PLCXD3: variants seen among roughly 807,000 people sequenced by gnomAD.
The protein encoded by PLCXD3 is PI-PLC X domain-containing protein 3.
PLCXD3 carries 19 observed loss-of-function variants against 25.5 expected under a neutral mutation model. The observed-to-expected ratio is 0.75, with a 90% CI of 0.52 to 1.09. PLCXD3 has a LOEUF of 1.09. Among genes scored for constraint, PLCXD3 ranks in the 50% least tolerant of loss-of-function variants. The probability of loss-of-function intolerance (pLI) is 0.00; values close to 1 mark genes in which losing one functional copy is unlikely to be tolerated. For synonymous variants in PLCXD3, 174 were observed against 137.6 expected, an observed-to-expected ratio of 1.26 and a Z score of -1.85; for missense variants, 411 against 388.1, an observed-to-expected ratio of 1.06 and a Z score of -0.50.
intron 1 of PLCXD3, among the ~76,000 whole-genome samples, chr5:41,400,901 C>A (rs1311673631): frequency 6.6e-6 from 1 of 151,998 alleles, no homozygotes; most frequent in Non-Finnish European, 1.5e-5. Flanking sequence ...ATACCTCATT[C>A]TCTATGTTGT....
chr5:41,426,055 A>AT (rs1260802076), intron 1 of PLCXD3, among the ~76,000 whole-genome samples: 11 of 152,132 alleles, frequency 7.2e-5, no homozygotes, highest in Admixed American at 5.2e-4. Flanking sequence ...TGGCTGTTCC[A>AT]TTTTACATTC....
intron 2 of PLCXD3, among the ~76,000 whole-genome samples, chr5:41,375,230 G>A (rs1745254924): frequency 6.6e-6 from 1 of 152,118 alleles, no homozygotes; most frequent in Admixed American, 6.6e-5. Context: ...CTGTGGCCTA[G>A]ACCTTTGGCT....
chr5:41,388,847 T>G (rs562740496), intron 1 of PLCXD3, among the ~76,000 whole-genome samples: 7 of 152,016 alleles, frequency 4.6e-5, no homozygotes, highest in African/African-American at 1.2e-4. Context: ...ACCCTATGTA[T>G]GTACCATGTT....
At chr5:41,369,202 C>T (rs990577169) in intron 2 of PLCXD3, among the ~76,000 whole-genome samples, 5 of 152,260 alleles carry the variant, frequency 3.3e-5, no homozygotes, top group Middle Eastern at 3.4e-3. Context: ...CACGTAACCC[C>T]TAACCAGCCA....
At chr5:41,422,645 CTCT>C (rs1357444779) in intron 1 of PLCXD3, among the ~76,000 whole-genome samples, 2 of 152,182 alleles carry the variant, frequency 1.3e-5, no homozygotes, top group African/African-American at 2.4e-5. Context: ...CATTATATTT[CTCT>C]TCATTTCCTC....
In PLCXD3 at chr5:41,502,747, G is replaced by A. The variant is rs189302462; in HGVS notation, c.103+7677C>T. ...AAGTTTTCTGGGATCTGAATAGTTA[G>A]AAAGTTGAGTTTAACTGAATTGGGG... On this transcript the variant is annotated intron_variant, in intron 1 of 2. Coordinates refer to ENST00000377801, the MANE Select transcript of PLCXD3 (RefSeq NM_001005473.3). 1.1e-3 allele frequency among the ~76,000 whole-genome samples: 167 copies of A among 152,270 alleles called. 1 individual carries two copies. The Middle Eastern group carries it at 0.034, about 31-fold the overall frequency.
At chr5:41,467,775 T>C (rs1219075805) in intron 1 of PLCXD3, among the ~76,000 whole-genome samples, 1 of 152,160 alleles carries the variant, frequency 6.6e-6, no homozygotes, top group Non-Finnish European at 1.5e-5. Context: ...CTTCTAGATG[T>C]GGATATTCAG....
chr5:41,476,018 ATAT>A (rs1748276100), intron 1 of PLCXD3, among the ~76,000 whole-genome samples: 3 of 152,200 alleles, frequency 2.0e-5, no homozygotes, highest in African/African-American at 4.8e-5. Context: ...TAACAGGCTC[ATAT>A]TATTACTAAA....
At chr5:41,344,740 AT>A (rs1744253179) in intron 2 of PLCXD3, among the ~76,000 whole-genome samples, 1 of 151,082 alleles carries the variant, frequency 6.6e-6, no homozygotes, top group Non-Finnish European at 1.5e-5. Context: ...TTAGAAAAAA[AT>A]ATCCTAATTC....
At chr5:41,491,477 C>G (rs1425750862) in intron 1 of PLCXD3, among the ~76,000 whole-genome samples, 1 of 152,114 alleles carries the variant, frequency 6.6e-6, no homozygotes, top group African/African-American at 2.4e-5. Flanking sequence ...GAGTTCAATT[C>G]CTGGGTATCC....
chr5:41,475,256 T>C (rs796425507), intron 1 of PLCXD3, among the ~76,000 whole-genome samples: 38 of 152,370 alleles, frequency 2.5e-4, no homozygotes, highest in African/African-American at 9.1e-4. Flanking sequence ...TGAACTTATG[T>C]TGCTGCCAGC....
At chr5:41,356,234 C>T (rs1002650974) in intron 2 of PLCXD3, among the ~76,000 whole-genome samples, 8 of 152,094 alleles carry the variant, frequency 5.3e-5, no homozygotes, top group South Asian at 2.1e-4. Context: ...CCACTGCACT[C>T]GAGCCTGGGA....
chr5:41,477,393 T>C (rs1748304141), intron 1 of PLCXD3, among the ~76,000 whole-genome samples: 1 of 152,172 alleles, frequency 6.6e-6, no homozygotes, highest in South Asian at 2.1e-4. Context: ...TCAGAAGACT[T>C]AGATCCTATC....
chr5:41,317,172 ACT>A (rs1048454200), intron 2 of PLCXD3, among the ~76,000 whole-genome samples: 1 of 152,010 alleles, frequency 6.6e-6, no homozygotes, highest in Non-Finnish European at 1.5e-5. Flanking sequence ...GGAGTGGGAG[ACT>A]CTGTATGTTT....
chr5:41,479,563 T>G (rs1318893412), intron 1 of PLCXD3, among the ~76,000 whole-genome samples: 2 of 152,312 alleles, frequency 1.3e-5, no homozygotes, highest in Non-Finnish European at 1.5e-5. Flanking sequence ...CATAGATGTA[T>G]AGTTTAGTGA....
At chr5:41,377,555 G>A (rs1024776622) in intron 2 of PLCXD3, among the ~76,000 whole-genome samples, 2 of 151,954 alleles carry the variant, frequency 1.3e-5, no homozygotes, top group Non-Finnish European at 2.9e-5. Flanking sequence ...ATTGCATGGG[G>A]GTGAGGTGCA....
intron 1 of PLCXD3, among the ~76,000 whole-genome samples, chr5:41,450,254 C>G (rs1383805783): frequency 1.3e-5 from 2 of 152,044 alleles, no homozygotes; most frequent in Non-Finnish European, 2.9e-5. Flanking sequence ...GATTTTCTTG[C>G]AAGTCTGAAT....
intron 1 of PLCXD3, among the ~76,000 whole-genome samples, chr5:41,444,856 A>G (rs796518598): frequency 2.0e-5 from 3 of 152,308 alleles, no homozygotes; most frequent in African/African-American, 7.2e-5. Context: ...TAAGTTCTGT[A>G]TAATAGTTTT....
intron 1 of PLCXD3, among the ~76,000 whole-genome samples, chr5:41,410,142 T>C (rs1486935926): frequency 2.9e-4 from 1 of 3,428 alleles, no homozygotes; most frequent in African/African-American, 1.0e-3. Flanking sequence ...TTTATTTATC[T>C]TTTTTTTTTT....
Sources: allele counts gnomAD v4.1 joint callset (sites outside exome capture counted in the v4.1 genomes callset), GRCh38; gene constraint gnomAD v4.1.1; transcripts MANE v1.5; gene names NCBI Gene and HGNC (gene_info 2026-07-23, HGNC 2026-07-21).